The following GPR158 variants were observed in gnomAD, a reference collection of about 807,000 sequenced individuals.
The protein encoded by GPR158 is metabotropic glycine receptor.
Under a neutral mutation model 78.2 loss-of-function variants are expected in GPR158, and 30 were observed. The observed-to-expected ratio is 0.38, with a 90% CI of 0.29 to 0.52. The LOEUF is 0.52. Ranked by LOEUF, GPR158 falls within the 20% of genes least tolerant of loss-of-function variation. The pLI is 0.83. For missense variants in GPR158, 1,463 were observed against 1,523.5 expected (o/e 0.96, Z 0.66); for synonymous variants, 581 against 591.1 (o/e 0.98, Z 0.25).
intron 1 of GPR158, among the ~76,000 whole-genome samples, chr10:25,216,736 G>A (rs1853221134): frequency 6.6e-6 from 1 of 152,138 alleles, no homozygotes; most frequent in African/African-American, 2.4e-5. Flanking sequence ...GTTCATGGGA[G>A]GCTTTAGAAA....
chr10:25,246,999 T>C (rs1853701003), intron 2 of GPR158, among the ~76,000 whole-genome samples: 1 of 152,196 alleles, frequency 6.6e-6, no homozygotes, highest in Admixed American at 6.5e-5. Flanking sequence ...CCTCAGATGC[T>C]TTGGTGAAAG....
At chr10:25,578,033 T>G (rs935430500) in intron 7 of GPR158, among the ~76,000 whole-genome samples, 3 of 152,190 alleles carry the variant, frequency 2.0e-5, no homozygotes, top group African/African-American at 7.2e-5. Context: ...TTAGATCAGA[T>G]TATAATTCCT....
intron 4 of GPR158, among the ~76,000 whole-genome samples, chr10:25,453,442 A>T (rs1006952737): frequency 1.3e-5 from 2 of 152,064 alleles, no homozygotes; most frequent in African/African-American, 4.8e-5. Flanking sequence ...GTGACATCTT[A>T]TGGTAGTTTT....
intron 2 of GPR158, among the ~76,000 whole-genome samples, chr10:25,322,596 G>A (rs977887040): frequency 6.6e-6 from 1 of 152,074 alleles, no homozygotes; most frequent in Non-Finnish European, 1.5e-5. Context: ...TTTCCAGAAG[G>A]TTTATAATTT....
chr10:25,237,075 G>A (rs1408513645), intron 2 of GPR158, among the ~76,000 whole-genome samples: 1 of 152,218 alleles, frequency 6.6e-6, no homozygotes, highest in Non-Finnish European at 1.5e-5. Flanking sequence ...TAATGCAAGA[G>A]TAGCTTGAGG....
At chr10:25,210,117 CA>C (rs1414096036) in intron 1 of GPR158, among the ~76,000 whole-genome samples, 1 of 152,122 alleles carries the variant, frequency 6.6e-6, no homozygotes, top group African/African-American at 2.4e-5. Flanking sequence ...CTTCCATTTT[CA>C]AAAAAGTATC....
chr10:25,294,834 T>G (rs545989624), intron 2 of GPR158, among the ~76,000 whole-genome samples: 64 of 152,342 alleles, frequency 4.2e-4, no homozygotes, highest in African/African-American at 1.4e-3. Context: ...GGCAAGACAC[T>G]GATCCTGTCT....
At chr10:25,336,975 C>G (rs1855217040) in intron 2 of GPR158, among the ~76,000 whole-genome samples, 1 of 151,738 alleles carries the variant, frequency 6.6e-6, no homozygotes, top group South Asian at 2.1e-4. Flanking sequence ...TTTTTGTTTT[C>G]TTATATTCTT....
intron 5 of GPR158, 26 bp downstream of exon 5, chr10:25,466,745 AG>A (rs1285967558): frequency 1.5e-6 from 2 of 1,355,160 alleles, no homozygotes; most frequent in South Asian, 1.2e-5. Flanking sequence ...TTGTTTTTAA[AG>A]TAGAAATTTA....
chr10:25,449,310 CCAGAATAATGTAAAATTG>C (rs1178931525), intron 4 of GPR158, among the ~76,000 whole-genome samples: 2 of 152,082 alleles, frequency 1.3e-5, no homozygotes, highest in East Asian at 3.8e-4. Flanking sequence ...TATGGAAATT[CCAGAATAATGTAAAATTG>C]CAATGTTAAT....
chr10:25,273,400 CTTTTTTTTTT>C (rs36068886), intron 2 of GPR158, among the ~76,000 whole-genome samples: 1 of 122,056 alleles, frequency 8.2e-6, no homozygotes, highest in Admixed American at 8.6e-5. Flanking sequence ...ACATTGGCAT[CTTTTTTTTTT>C]TTTTTTTTTG....
chr10:25,597,140 G>A (rs577757829), intron 10 of GPR158, among the ~76,000 whole-genome samples: 5 of 152,292 alleles, frequency 3.3e-5, no homozygotes, highest in East Asian at 1.9e-4. Context: ...GGAAAGGTAG[G>A]ATAGATCTGT....
At chr10:25,582,421 T>C (rs1477003343) in intron 7 of GPR158, among the ~76,000 whole-genome samples, 1 of 152,192 alleles carries the variant, frequency 6.6e-6, no homozygotes, top group Non-Finnish European at 1.5e-5. Context: ...ATAGTCTCCC[T>C]ACCCTTTTTA....
chr10:25,354,499 T>A (rs1170560578), intron 2 of GPR158, among the ~76,000 whole-genome samples: 2 of 152,208 alleles, frequency 1.3e-5, no homozygotes, highest in East Asian at 3.9e-4. Flanking sequence ...AATTTACATA[T>A]TTTTATTTTG....
Position 25,175,828 on chromosome 10 carries a change from C to T in GPR158, c.408C>T (p.Leu136=). ...CACTGACACACGCCACCAACTTCCT[C>T]AACGTGATGCTGCAGAGCAATAAGT... The part of the protein sequence containing the change: ...LDTLTHATNF[L]NVMLQSNKSR... Residue 136 remains leucine, a synonymous_variant, in exon 1 of 11, where the codon CTC becomes CTT. Transcript: ENST00000376351. The surrounding 1 kb of genome is among the most constrained non-coding windows in gnomAD (Gnocchi z 6.4). The T allele has an allele frequency of 6.2e-7, 1 of 1,613,242 alleles. No individual in the cohort carries two copies. Among genetic ancestry groups the T allele is most frequent in the Non-Finnish European group, 8.5e-7 (1 of 1,179,990 alleles).
At chr10:25,229,560 A>G (rs1191093663) in intron 2 of GPR158, among the ~76,000 whole-genome samples, 1 of 152,170 alleles carries the variant, frequency 6.6e-6, no homozygotes, top group South Asian at 2.1e-4. Context: ...CTGATGAGAA[A>G]GCTAGGCCAA....
chr10:25,382,790 C>T (rs898923970), intron 2 of GPR158, among the ~76,000 whole-genome samples: 2 of 152,014 alleles, frequency 1.3e-5, no homozygotes, highest in African/African-American at 4.8e-5. Flanking sequence ...AAACCCACTC[C>T]CAGATGAGCA....
In GPR158 at chr10:25,441,040, T is replaced by C. The variant is rs76424390; in HGVS notation, c.1336-25611T>C. On this transcript the variant is annotated intron_variant, in intron 4 of 10. Coordinates refer to ENST00000376351, the MANE Select transcript of GPR158 (RefSeq NM_020752.3). The stretch of plus-strand genomic sequence containing the variant: ...ACGTGCATAATAATAGCAGAGAAGT[T>C]TAAAACATAAAAAAGGCTATAACCC... 5.2e-3 allele frequency among the ~76,000 whole-genome samples: 798 copies of C among 152,272 alleles called. 4 individuals carry two copies. Among genetic ancestry groups the C allele is most frequent in the Non-Finnish European group, 7.8e-3 (532 of 68,004 alleles).
In GPR158 at chr10:25,433,536, G is replaced by GTGTGTGTGTGTGTGTTGTGTGTGTGT. The variant is rs150589257; in HGVS notation, c.1335+21074_1335+21075insGTGTTGTGTGTGTGTTGTGTGTGTGT. ...AAGGAAATGGTTTAGTTAGGGGTGT[G>GTGTGTGTGTGTGTGTTGTGTGTGTGT]TGTGTGTGTGTTGTGTGTGTGTGTG... On this transcript the variant is annotated intron_variant, in intron 4 of 10. Coordinates refer to ENST00000376351, the MANE Select transcript of GPR158 (RefSeq NM_020752.3). Among the ~76,000 whole-genome samples the GTGTGTGTGTGTGTGTTGTGTGTGTGT allele has an allele frequency of 3.0e-5, 4 of 131,952 alleles. No individual in the cohort carries two copies. In the East Asian group the frequency reaches 8.2e-4, roughly 27 times the overall value. The allele number at this position is 131,952 out of a possible 152,430, so 86.6% of individuals were successfully genotyped here. A position where few individuals can be genotyped will look rare whatever the true frequency, so the allele number is the denominator to read the frequency against.
Sources: allele counts gnomAD v4.1 joint callset (sites outside exome capture counted in the v4.1 genomes callset), GRCh38; gene constraint gnomAD v4.1.1; non-coding constraint Gnocchi (gnomAD v3.1); transcripts MANE v1.5; gene names NCBI Gene and HGNC (gene_info 2026-07-23, HGNC 2026-07-21).